Variants in ZNF324B observed in about 807,000 individuals in gnomAD.
The protein encoded by ZNF324B is zinc finger protein 324B.
A neutral mutation model predicts 10.6 loss-of-function variants in ZNF324B; 7 were observed. The observed-to-expected ratio is 0.66, with a 90% CI of 0.38 to 1.24. ZNF324B has a LOEUF of 1.24. Ranked by LOEUF, ZNF324B falls within the 50% of genes most tolerant of loss-of-function variation. The pLI is 0.02. For synonymous variants in ZNF324B, 316 were observed against 321.0 expected (o/e 0.98, Z 0.17); for missense variants, 640 against 764.7 (o/e 0.84, Z 1.92).
rs2052929843 is a variant in ZNF324B, at chr19:58,457,017, A to T, written c.*438A>T. 5.2e-6 allele frequency: 1 copy of T among 190,890 alleles called. No homozygotes were observed. The highest frequency in any genetic ancestry group is 1.1e-5 in the Non-Finnish European group (1 of 90,568). The allele number at this position is 190,890 out of a possible 1,614,324, so 11.8% of individuals were successfully genotyped here. A position where few individuals can be genotyped will look rare whatever the true frequency, so the allele number is the denominator to read the frequency against. On this transcript the variant is annotated 3_prime_UTR_variant, in exon 4 of 4. Coordinates refer to ENST00000336614, the MANE Select transcript of ZNF324B (RefSeq NM_207395.3). ...TGGCCGCTAGACGGACGCTGAGGAC[A>T]TTTTCCCCCTGAGGCCTCTATTCAA... is the stretch of plus-strand genomic sequence containing the variant.
chr19:58,434,517 G>C, the ZNF324B span: 2 of 1,614,146 alleles, frequency 1.2e-6, no homozygotes, highest in East Asian at 4.5e-5. Flanking sequence ...GAAATTTCTG[G>C]TGCTTCCTCA....
chr19:58,447,805 G>T (rs1457518034), upstream of ZNF324B, among the ~76,000 whole-genome samples: 2 of 152,228 alleles, frequency 1.3e-5, no homozygotes, highest in African/African-American at 4.8e-5. Flanking sequence ...CACGTTGTGG[G>T]AGGGACCCAG....
At chr19:58,433,002 G>GGATCA in the ZNF324B span, 1 of 211,912 alleles carries the variant, frequency 4.7e-6, no homozygotes, top group East Asian at 6.1e-5. Flanking sequence ...AACCAGCATC[G>GGATCA]GTTCAGCTGA....
At chr19:58,442,161 C>CTTTTTTTTTTTTTTTTTTTTTTTTTT in the ZNF324B span, 1 of 95,048 alleles carries the variant, frequency 1.1e-5, no homozygotes, top group African/African-American at 6.4e-5. Context: ...TGTTACAGTT[C>CTTTTTTTTTTTTTTTTTTTTTTTTTT]TTTTTTTTTT....
chr19:58,426,065 C>T, the ZNF324B span, among the ~76,000 whole-genome samples: 1 of 152,174 alleles, frequency 6.6e-6, no homozygotes, highest in African/African-American at 2.4e-5. Flanking sequence ...GTCTGCAGAT[C>T]GATGAGTTCT....
chr19:58,439,634 G>A, the ZNF324B span: 36 of 1,058,612 alleles, frequency 3.4e-5, no homozygotes, highest in Non-Finnish European at 4.7e-5. Context: ...GCAGGGCCCA[G>A]GACCCACGTG....
At chr19:58,439,699 C>A in the ZNF324B span, 2 of 1,472,864 alleles carry the variant, frequency 1.4e-6, no homozygotes, top group Non-Finnish European at 9.0e-7. Flanking sequence ...TCTATCTGGG[C>A]TTCAGGATCC....
chr19:58,456,860 C>T lies in ZNF324B; in HGVS notation c.*281C>T, dbSNP rs1014149671. ...GTGGGGCTGAGGCTGTAGTTGGGGCCATAGGACGCCGACAAAGGCAGCGCT... is the reference window on the plus strand; with the variant it reads ...GTGGGGCTGAGGCTGTAGTTGGGGCTATAGGACGCCGACAAAGGCAGCGCT... On this transcript the variant is annotated 3_prime_UTR_variant, in exon 4 of 4. Transcript: ENST00000336614. This position sits in a 1 kb window ranked among gnomAD's most constrained non-coding sequence, Gnocchi z 4.7. The T allele has an allele frequency of 1.3e-5, 7 of 538,056 alleles. No individual in the cohort carries two copies. The highest frequency in any genetic ancestry group is 2.3e-5 in the Non-Finnish European group (7 of 300,458). The allele number at this position is 538,056 out of a possible 1,614,324, so 33.3% of individuals were successfully genotyped here. A position where few individuals can be genotyped will look rare whatever the true frequency, so the allele number is the denominator to read the frequency against.
chr19:58,427,421 TCC>T, the ZNF324B span, among the ~76,000 whole-genome samples: 1 of 27,844 alleles, frequency 3.6e-5, no homozygotes, highest in African/African-American at 3.2e-4. Flanking sequence ...CTTCCTTCCT[TCC>T]TTCCTTCCTT....
chr19:58,455,731 A>G lies in ZNF324B; in HGVS notation c.787A>G (p.Ser263Gly). 6.2e-7 allele frequency: 1 copy of G among 1,613,880 alleles called. No homozygotes were observed. The highest frequency in any genetic ancestry group is 8.5e-7 in the Non-Finnish European group (1 of 1,179,964). ...GAAGTCCTTCGAATGCAGGGCGTGC[A>G]GCAAAGTGTTCGTGAAGAGCTCCGA... is the stretch of plus-strand genomic sequence containing the variant. ...GEKSFECRACSKVFVKSSDLL... is the reference protein window; with the variant it reads ...GEKSFECRACGKVFVKSSDLL... The change falls in exon 4 of 4, where the codon AGC becomes GGC. Residue 263 changes from serine to glycine, a missense_variant. By Grantham distance (56) the Ser-to-Gly change is moderately conservative. Coordinates refer to ENST00000336614, the MANE Select transcript of ZNF324B (RefSeq NM_207395.3). This position sits in a 1 kb window ranked among gnomAD's most constrained non-coding sequence, Gnocchi z 7.0.
chr19:58,423,618 C>T, the ZNF324B span, among the ~76,000 whole-genome samples: 1 of 152,172 alleles, frequency 6.6e-6, no homozygotes, highest in African/African-American at 2.4e-5. Context: ...CCAAAGCAAT[C>T]CTGAGCACAA....
intron 3 of ZNF324B, chr19:58,454,837 C>G: frequency 1.9e-6 from 1 of 527,162 alleles, no homozygotes; most frequent in Non-Finnish European, 3.4e-6. Context: ...GTGCCCAAGA[C>G]GGGGCACCAG....
chr19:58,437,676 G>A, the ZNF324B span: 1 of 978,192 alleles, frequency 1.0e-6, no homozygotes, highest in South Asian at 4.7e-5. Flanking sequence ...ACCCCTCCCT[G>A]TTCACACTGT....
chr19:58,427,440 T>TG, the ZNF324B span, among the ~76,000 whole-genome samples: 1 of 13,758 alleles, frequency 7.3e-5, no homozygotes, highest in Non-Finnish European at 1.7e-4. Context: ...CCTTCCTTCC[T>TG]TCCTTTCCTT....
chr19:58,436,058 A>C, the ZNF324B span, among the ~76,000 whole-genome samples: 1 of 152,266 alleles, frequency 6.6e-6, no homozygotes, highest in South Asian at 2.1e-4. Flanking sequence ...GATGAACTTC[A>C]AAAACATGCT....
chr19:58,454,955 T>G (rs1332730567), intron 3 of ZNF324B: 17 of 686,504 alleles, frequency 2.5e-5, no homozygotes, highest in East Asian at 8.3e-5. Flanking sequence ...CCTGGGTGTC[T>G]GGGGGCTGCC....
rs1239947140 is a variant in ZNF324B, at chr19:58,455,786, G to A, written c.842G>A (p.Gly281Glu). 1.9e-6 allele frequency: 3 copies of A among 1,614,104 alleles called. No homozygotes were observed. Among genetic ancestry groups the A allele is most frequent in the Non-Finnish European group, 1.7e-6 (2 of 1,180,014 alleles). The change falls in exon 4 of 4, where the codon GGG becomes GAG. Residue 281 changes from glycine (G) to glutamate (E), a missense_variant. Gly to Glu is a moderately conservative substitution (Grantham distance 98, BLOSUM62 -2). Coordinates refer to ENST00000336614, the MANE Select transcript of ZNF324B (RefSeq NM_207395.3). This position sits in a 1 kb window ranked among gnomAD's most constrained non-coding sequence, Gnocchi z 7.0. ...CTCAAGCACCTACGCACCCACACCGGGGAGCGGCCCTACGAGTGCACCCAG... is the reference window on the plus strand; with the variant it reads ...CTCAAGCACCTACGCACCCACACCGAGGAGCGGCCCTACGAGTGCACCCAG... ...DLLKHLRTHT[G>E]ERPYECTQCG...
the ZNF324B span, among the ~76,000 whole-genome samples, chr19:58,427,987 A>G: frequency 1.3e-5 from 2 of 152,226 alleles, no homozygotes; most frequent in African/African-American, 4.8e-5. Context: ...TATTGGAGAC[A>G]TTACACTCAG....
At chr19:58,441,372 C>G in the ZNF324B span, 1 of 152,110 alleles carries the variant, frequency 6.6e-6, no homozygotes, top group African/African-American at 2.4e-5. Context: ...AGTGGCCTGT[C>G]CAGAACGGAA....
Sources: gnomAD v4.1 joint callset for allele counts (sites outside exome capture counted in the v4.1 genomes callset) on GRCh38, gnomAD v4.1.1 for gene constraint, Gnocchi (gnomAD v3.1) non-coding constraint, MANE v1.5 for transcripts, NCBI Gene and HGNC (gene_info 2026-07-23, HGNC 2026-07-21) for gene names.